Variants in GRIK2 observed in about 807,000 individuals in gnomAD.
GRIK2 encodes glutamate receptor ionotropic, kainate 2.
A neutral mutation model predicts 100.3 loss-of-function variants in GRIK2; 32 were observed. That is an observed-to-expected ratio of 0.32 (90% CI 0.24 to 0.43). The LOEUF is 0.43. GRIK2 is among the 20% of genes least tolerant of loss of function. The probability of loss-of-function intolerance (pLI) is 1.00; values close to 1 mark genes in which losing one functional copy is unlikely to be tolerated. For synonymous variants in GRIK2, 417 were observed against 389.4 expected (o/e 1.07, Z -0.83); for missense variants, 843 against 1,114.9 (o/e 0.76, Z 3.47).
At chr6:101,966,114 C>A (rs1792655753) in intron 14 of GRIK2, among the ~76,000 whole-genome samples, 1 of 152,014 alleles carries the variant, frequency 6.6e-6, no homozygotes, top group Admixed American at 6.6e-5. Flanking sequence ...AAATTGTATT[C>A]TTTGTCTACC....
intron 7 of GRIK2, among the ~76,000 whole-genome samples, chr6:101,731,259 T>C (rs1297306880): frequency 2.0e-5 from 3 of 151,990 alleles, no homozygotes; most frequent in Non-Finnish European, 2.9e-5. Context: ...TTTTCATGCC[T>C]GCCCTCAGTT....
rs142571539 is a variant in GRIK2 at position 101,489,085 on chromosome 6, AT to A, written c.115+89699del. Among the ~76,000 whole-genome samples, 962 of 146,670 alleles carry A rather than the reference AT, an allele frequency of 6.6e-3. 138 individuals carry two copies. Among genetic ancestry groups the A allele is most frequent in the African/African-American group, 0.024 (911 of 38,562 alleles). ...TTTGAATAAATGACCACCAGATTTA[AT>A]TTTTTAATATAAACCTACTTCTAGA... On this transcript the variant is annotated intron_variant, in intron 2 of 16. Coordinates refer to ENST00000369134, the MANE Select transcript of GRIK2 (RefSeq NM_021956.5).
chr6:101,844,666 A>G (rs1173946341), intron 10 of GRIK2, among the ~76,000 whole-genome samples: 2 of 152,218 alleles, frequency 1.3e-5, no homozygotes, highest in Non-Finnish European at 2.9e-5. Flanking sequence ...ATAATGTAAG[A>G]GTATGGCACA....
chr6:101,650,822 C>T (rs1044616744), intron 4 of GRIK2, among the ~76,000 whole-genome samples: 1 of 152,072 alleles, frequency 6.6e-6, no homozygotes, highest in African/African-American at 2.4e-5. Context: ...GGCTTACAGA[C>T]CAATTTCTTC....
Position 101,708,170 on chromosome 6 carries a change from TA to T in GRIK2, c.951+21818del, listed in dbSNP as rs1278740182. On this transcript the variant is annotated intron_variant, in intron 7 of 16. Transcript: ENST00000369134. ...ATTTTTCTTAGTAGATGGAATCTTT[TA>T]TTCCGTATTTAACACTATTAAATTC... Among the ~76,000 whole-genome samples, 4 of 151,928 alleles carry T rather than the reference TA, an allele frequency of 2.6e-5. No individual in the cohort carries two copies. The East Asian group carries it at 7.8e-4, about 30-fold the overall frequency.
chr6:101,663,479 C>A (rs77721460), intron 4 of GRIK2, among the ~76,000 whole-genome samples: 2,342 of 152,086 alleles, frequency 0.015, 24 homozygotes, highest in Non-Finnish European at 0.024. Context: ...TCAGTCACAC[C>A]GCCAGGATAG....
chr6:101,809,787 T>G (rs866814262), intron 9 of GRIK2, among the ~76,000 whole-genome samples: 2 of 152,096 alleles, frequency 1.3e-5, no homozygotes, highest in Non-Finnish European at 1.5e-5. Context: ...AGCCATTTAA[T>G]TTGTCTAACT....
chr6:101,719,939 G>C (rs996727279), intron 7 of GRIK2, among the ~76,000 whole-genome samples: 5 of 151,592 alleles, frequency 3.3e-5, no homozygotes, highest in African/African-American at 1.2e-4. Flanking sequence ...AAGAAAGAGA[G>C]AGAAAAAAGA....
At chr6:101,811,174 A>G (rs1433825332) in intron 9 of GRIK2, among the ~76,000 whole-genome samples, 1 of 152,066 alleles carries the variant, frequency 6.6e-6, no homozygotes, top group Non-Finnish European at 1.5e-5. Context: ...TTAAGCAAAC[A>G]TATTCTAAGA....
chr6:101,737,228 T>C (rs1463602410), intron 7 of GRIK2, among the ~76,000 whole-genome samples: 1 of 152,194 alleles, frequency 6.6e-6, no homozygotes, highest in Non-Finnish European at 1.5e-5. Flanking sequence ...CTCTGTCTGT[T>C]ACCAAGTTCC....
At chr6:101,432,205 C>A (rs2128243276) in intron 2 of GRIK2, among the ~76,000 whole-genome samples, 1 of 152,172 alleles carries the variant, frequency 6.6e-6, no homozygotes, top group South Asian at 2.1e-4. Context: ...AGTCCCTCGT[C>A]CATATTTTAT....
chr6:102,054,442 G>A (rs1463480190), intron 15 of GRIK2, among the ~76,000 whole-genome samples: 3 of 152,012 alleles, frequency 2.0e-5, no homozygotes, highest in Non-Finnish European at 1.5e-5. Context: ...TTTAGAAGCA[G>A]GCTATTTCTG....
At chr6:101,832,549 G>C (rs530587686) in intron 10 of GRIK2, among the ~76,000 whole-genome samples, 1 of 152,186 alleles carries the variant, frequency 6.6e-6, no homozygotes, top group Admixed American at 6.5e-5. Context: ...TTCTTACTTG[G>C]CAGGTGGCCT....
At chr6:101,639,598 GCATACATACATA>G (rs3056158) in intron 4 of GRIK2, among the ~76,000 whole-genome samples, 5 of 150,990 alleles carry the variant, frequency 3.3e-5, no homozygotes, top group Non-Finnish European at 7.4e-5. Flanking sequence ...CTCAATACAT[GCATACATACATA>G]CATACATACA....
intron 12 of GRIK2, among the ~76,000 whole-genome samples, chr6:101,895,572 A>T (rs1297165679): frequency 6.6e-6 from 1 of 151,856 alleles, no homozygotes; most frequent in East Asian, 1.9e-4. Context: ...ACATTGAATT[A>T]TTATGCACTT....
chr6:101,896,885 A>C (rs1787480369), intron 12 of GRIK2, among the ~76,000 whole-genome samples: 1 of 151,682 alleles, frequency 6.6e-6, no homozygotes, highest in Non-Finnish European at 1.5e-5. Flanking sequence ...GATATGAAGA[A>C]ACTCAGAGTG....
intron 14 of GRIK2, among the ~76,000 whole-genome samples, chr6:102,005,928 T>C (rs1795196173): frequency 6.6e-6 from 1 of 152,052 alleles, no homozygotes; most frequent in Non-Finnish European, 1.5e-5. Flanking sequence ...ATGTGGTCTC[T>C]CTTCTGCATG....
intron 7 of GRIK2, among the ~76,000 whole-genome samples, chr6:101,732,825 A>G (rs1360414457): frequency 6.6e-6 from 1 of 151,584 alleles, no homozygotes; most frequent in Non-Finnish European, 1.5e-5. Context: ...CATCCTCCCT[A>G]TCTCCTCACC....
chr6:101,947,439 T>TA (rs1204031721), intron 14 of GRIK2, among the ~76,000 whole-genome samples: 1 of 152,180 alleles, frequency 6.6e-6, no homozygotes, highest in Non-Finnish European at 1.5e-5. Context: ...TAATTTGGTT[T>TA]AAAAAATTGT....
Sources: allele counts gnomAD v4.1 joint callset (sites outside exome capture counted in the v4.1 genomes callset), GRCh38; gene constraint gnomAD v4.1.1; transcripts MANE v1.5; gene names NCBI Gene and HGNC (gene_info 2026-07-23, HGNC 2026-07-21).